The following TSPAN18 variants were observed in gnomAD, a reference collection of about 807,000 sequenced individuals.
TSPAN18 encodes tetraspanin-18.
In TSPAN18, 14 loss-of-function variants were observed where a neutral mutation model predicts 27.3. The observed-to-expected ratio is 0.51, with a 90% CI of 0.34 to 0.80. The LOEUF is 0.80. Ranked by LOEUF, TSPAN18 falls within the 30% of genes least tolerant of loss-of-function variation. The pLI is 0.01. For synonymous variants in TSPAN18, 143 were observed against 136.5 expected (o/e 1.05, Z -0.33); for missense variants, 268 against 323.9 (o/e 0.83, Z 1.32).
At chr11:44,844,223 A>G (rs1857434179) in intron 2 of TSPAN18, among the ~76,000 whole-genome samples, 1 of 152,180 alleles carries the variant, frequency 6.6e-6, no homozygotes, top group African/African-American at 2.4e-5. Flanking sequence ...ACTCCCCGCA[A>G]CAGGAATATA....
At chr11:44,764,012 G>T (rs778817989) in intron 1 of TSPAN18, among the ~76,000 whole-genome samples, 2 of 152,138 alleles carry the variant, frequency 1.3e-5, no homozygotes, top group Non-Finnish European at 2.9e-5. Context: ...GGTGGAAGGG[G>T]AAGCACGCAT....
rs560753300 is a variant in TSPAN18, at chr11:44,740,470, G to A, written c.-240+13183G>A. Among the ~76,000 whole-genome samples the A allele has an allele frequency of 3.3e-3, 503 of 152,306 alleles. 2 individuals are homozygous for A. The highest frequency in any genetic ancestry group is 0.011 in the African/African-American group (454 of 41,572). On this transcript the variant is annotated intron_variant, in intron 1 of 9. Transcript: ENST00000520358. ...AGGGCAGGGCCAGCCAGGGGCATGG[G>A]GCACCTGGTGCTGCTGAGGGGCTGG...
At chr11:44,821,663 C>T (rs1018957103) in intron 2 of TSPAN18, among the ~76,000 whole-genome samples, 8 of 152,100 alleles carry the variant, frequency 5.3e-5, no homozygotes, top group Admixed American at 3.9e-4. Flanking sequence ...TATACTTGAC[C>T]CTACTTGGAC....
chr11:44,802,609 GCACACACA>G (rs3222524), intron 2 of TSPAN18, among the ~76,000 whole-genome samples: 5 of 142,608 alleles, frequency 3.5e-5, no homozygotes, highest in Non-Finnish European at 6.1e-5. Context: ...GGGAAGCACT[GCACACACA>G]CACACACACA....
intron 3 of TSPAN18, among the ~76,000 whole-genome samples, chr11:44,865,653 G>A (rs1298341176): frequency 1.3e-5 from 2 of 152,156 alleles, no homozygotes; most frequent in Non-Finnish European, 2.9e-5. Flanking sequence ...TTTGAATGTG[G>A]GGTTCTTCAA....
intron 2 of TSPAN18, among the ~76,000 whole-genome samples, chr11:44,770,926 G>A (rs1855676318): frequency 6.6e-6 from 1 of 152,164 alleles, no homozygotes; most frequent in Non-Finnish European, 1.5e-5. Flanking sequence ...GCAGAGAGTG[G>A]AGGGAGGGCA....
chr11:44,880,196 G>A (rs531578982), intron 3 of TSPAN18, among the ~76,000 whole-genome samples: 38 of 152,304 alleles, frequency 2.5e-4, no homozygotes, highest in South Asian at 6.2e-4. Context: ...CAGGATGGCC[G>A]CTGAGTGAGG....
At chr11:44,733,869 C>T (rs1854723676) in intron 1 of TSPAN18, among the ~76,000 whole-genome samples, 1 of 152,104 alleles carries the variant, frequency 6.6e-6, no homozygotes, top group South Asian at 2.1e-4. Flanking sequence ...TGAGAGTGGG[C>T]AGGGAAGCGG....
intron 2 of TSPAN18, among the ~76,000 whole-genome samples, chr11:44,840,924 G>T (rs77313923): frequency 5.7e-4 from 87 of 152,200 alleles, no homozygotes; most frequent in African/African-American, 2.0e-3. Context: ...GTCTCCAAGG[G>T]CGCAGTGAGA....
intron 1 of TSPAN18, among the ~76,000 whole-genome samples, chr11:44,759,423 G>T (rs570003204): frequency 6.6e-6 from 1 of 152,212 alleles, no homozygotes; most frequent in African/African-American, 2.4e-5. Context: ...AGAGTCCTAA[G>T]AGTCTCAGTT....
intron 2 of TSPAN18, among the ~76,000 whole-genome samples, chr11:44,817,957 G>A (rs577495999): frequency 9.9e-5 from 15 of 152,224 alleles, no homozygotes; most frequent in Non-Finnish European, 2.1e-4. Flanking sequence ...AATTATTCCT[G>A]CTTTGTAAAT....
At chr11:44,775,346 G>A (rs1855781138) in intron 2 of TSPAN18, among the ~76,000 whole-genome samples, 1 of 152,216 alleles carries the variant, frequency 6.6e-6, no homozygotes, top group African/African-American at 2.4e-5. Flanking sequence ...TTTTGCACGT[G>A]TGTAGTCAAT....
At chr11:44,801,302 G>A (rs876633) in intron 2 of TSPAN18, among the ~76,000 whole-genome samples, 1,951 of 152,292 alleles carry the variant, frequency 0.013, 48 homozygotes, top group African/African-American at 0.044. Context: ...CAAAAATTTA[G>A]ATTGCCATTC....
At chr11:44,743,261 A>G (rs1432022131) in intron 1 of TSPAN18, among the ~76,000 whole-genome samples, 2 of 152,194 alleles carry the variant, frequency 1.3e-5, no homozygotes, top group African/African-American at 4.8e-5. Flanking sequence ...GGTTTGCGTC[A>G]GGAAAAGTGT....
At chr11:44,880,692 C>T (rs1278015636) in intron 3 of TSPAN18, among the ~76,000 whole-genome samples, 3 of 152,240 alleles carry the variant, frequency 2.0e-5, no homozygotes, top group Non-Finnish European at 2.9e-5. Flanking sequence ...GGGCCAGGTC[C>T]TCAGAGCGAT....
intron 1 of TSPAN18, among the ~76,000 whole-genome samples, chr11:44,745,104 A>G (rs547530210): frequency 1.1e-3 from 171 of 152,326 alleles, no homozygotes; most frequent in African/African-American, 4.0e-3. Flanking sequence ...TTGTTGCTAT[A>G]TGACCTAAGG....
chr11:44,771,166 A>C (rs1855681885), intron 2 of TSPAN18, among the ~76,000 whole-genome samples: 1 of 152,174 alleles, frequency 6.6e-6, no homozygotes, highest in Non-Finnish European at 1.5e-5. Context: ...AGCCACTGTC[A>C]AGGGCAGTCA....
At chr11:44,788,521 G>A (rs1371505393) in intron 2 of TSPAN18, among the ~76,000 whole-genome samples, 1 of 144,226 alleles carries the variant, frequency 6.9e-6, no homozygotes, top group Non-Finnish European at 1.5e-5. Flanking sequence ...GCAATGGCGT[G>A]ATCTTGGCTC....
At chr11:44,928,222 G>A (rs1860440759) in intron 9 of TSPAN18, among the ~76,000 whole-genome samples, 2 of 152,254 alleles carry the variant, frequency 1.3e-5, no homozygotes, top group African/African-American at 4.8e-5. Flanking sequence ...CAGGGATGGA[G>A]CTCATAACTC....
Sources: allele counts gnomAD v4.1 joint callset (sites outside exome capture counted in the v4.1 genomes callset), GRCh38; gene constraint gnomAD v4.1.1; transcripts MANE v1.5; gene names NCBI Gene and HGNC (gene_info 2026-07-23, HGNC 2026-07-21).